The following AK8 variants were observed in gnomAD, a reference collection of about 807,000 sequenced individuals.
AK8 encodes adenylate kinase 8.
In AK8, 44 loss-of-function variants were observed where a neutral mutation model predicts 54.6. That is an observed-to-expected ratio of 0.81 (90% CI 0.63 to 1.04). The LOEUF is 1.04. Among genes scored for constraint, AK8 ranks in the 50% least tolerant of loss-of-function variants. AK8 has a pLI of 0.00. For synonymous variants in AK8, 239 were observed against 245.6 expected, an observed-to-expected ratio of 0.97 and a Z score of 0.25; for missense variants, 555 against 613.6, an observed-to-expected ratio of 0.90 and a Z score of 1.01.
chr9:132,814,566 A>G lies in AK8; in HGVS notation c.979+72T>C, dbSNP rs1841229319. The G allele has an allele frequency of 6.2e-6, 9 of 1,449,968 alleles. No homozygotes were observed. The South Asian group carries it at 9.9e-5, about 16-fold the overall frequency. 89.8% of individuals were successfully genotyped at this position (1,449,968 alleles called of 1,614,324 possible). A position where few individuals can be genotyped will look rare whatever the true frequency, so the allele number is the denominator to read the frequency against. ...CCCAATTTTGAGCCCCTGAATGTTC[A>G]GAGAGCCGCACAAAAAGAAAGTTCT... On this transcript the variant is annotated intron_variant, in intron 10 of 12. Coordinates refer to ENST00000298545, the MANE Select transcript of AK8 (RefSeq NM_152572.3).
intron 11 of AK8, chr9:132,769,078 G>C (rs1480191464): frequency 6.6e-6 from 1 of 151,740 alleles, no homozygotes; most frequent in Non-Finnish European, 1.5e-5. Context: ...GAGGGGAAAT[G>C]GGAGGGGGCT....
chr9:132,837,860 C>G lies in AK8; in HGVS notation c.403-9134G>C, dbSNP rs968319014. ...CACCAAGCCCTCAGAAGCCCTGCCT[C>G]GCCGTGATGCGGGCCATACGTTTCC... On this transcript the variant is annotated intron_variant, in intron 5 of 12. Transcript: ENST00000298545. This position sits in a 1 kb window ranked among gnomAD's most constrained non-coding sequence, Gnocchi z 4.3. Among the ~76,000 whole-genome samples the G allele has an allele frequency of 6.6e-6, 1 of 152,238 alleles. No individual in the cohort carries two copies. The highest frequency in any genetic ancestry group is 1.5e-5 in the Non-Finnish European group (1 of 68,044).
At chr9:132,834,246 G>T (rs889126872) in intron 5 of AK8, among the ~76,000 whole-genome samples, 2 of 152,218 alleles carry the variant, frequency 1.3e-5, no homozygotes, top group African/African-American at 2.4e-5. Flanking sequence ...CATCTTAAAA[G>T]ATCCAGTTTG....
intron 11 of AK8, among the ~76,000 whole-genome samples, chr9:132,762,334 G>A (rs78135256): frequency 0.013 from 1,922 of 152,118 alleles, 47 homozygotes; most frequent in African/African-American, 0.044. Flanking sequence ...CTAGGTCAGC[G>A]GCTTAGATCA....
chr9:132,735,447 T>C (rs1400337829), intron 11 of AK8, among the ~76,000 whole-genome samples: 2 of 152,182 alleles, frequency 1.3e-5, no homozygotes, highest in African/African-American at 4.8e-5. Flanking sequence ...GTTGGCTTCT[T>C]GATCTTAACC....
intron 2 of AK8, among the ~76,000 whole-genome samples, chr9:132,869,181 A>C (rs1843709713): frequency 1.3e-5 from 2 of 152,188 alleles, no homozygotes; most frequent in Non-Finnish European, 1.5e-5. Context: ...CTTCGTCTCA[A>C]AATATCTATA....
chr9:132,783,771 T>C (rs1174784674), intron 11 of AK8, among the ~76,000 whole-genome samples: 1 of 150,558 alleles, frequency 6.6e-6, no homozygotes, highest in African/African-American at 2.4e-5. Context: ...GCTCACAAAA[T>C]GAAGGAAAAA....
At chr9:132,800,036 C>T (rs928913433) in intron 10 of AK8, among the ~76,000 whole-genome samples, 1 of 152,236 alleles carries the variant, frequency 6.6e-6, no homozygotes, top group African/African-American at 2.4e-5. Flanking sequence ...TTCCATTTCA[C>T]ACAACCTGGT....
chr9:132,778,452 T>C (rs1007034540), intron 11 of AK8, among the ~76,000 whole-genome samples: 1 of 152,098 alleles, frequency 6.6e-6, no homozygotes, highest in Admixed American at 6.6e-5. Flanking sequence ...GCTGCAGAAA[T>C]AGTGCTTCCT....
At chr9:132,766,023 T>G (rs1370569426) in intron 11 of AK8, among the ~76,000 whole-genome samples, 2 of 152,158 alleles carry the variant, frequency 1.3e-5, no homozygotes, top group Non-Finnish European at 2.9e-5. Context: ...TACAAAAAAT[T>G]AGTAGCATTT....
chr9:132,826,251 G>A lies in AK8; in HGVS notation c.757+603C>T, dbSNP rs1841864759. ...GAAGTGCCAGAGGCTGCACAGCTGGGCTGCGTCGGGGCTGAGATTTGAACA... is the reference window on the plus strand; with the variant it reads ...GAAGTGCCAGAGGCTGCACAGCTGGACTGCGTCGGGGCTGAGATTTGAACA... On this transcript the variant is annotated intron_variant, in intron 8 of 12. Coordinates refer to ENST00000298545, the MANE Select transcript of AK8 (RefSeq NM_152572.3). This position sits in a 1 kb window ranked among gnomAD's most constrained non-coding sequence, Gnocchi z 4.5. Among the ~76,000 whole-genome samples the A allele has an allele frequency of 6.6e-6, 1 of 152,166 alleles. No individual in the cohort carries two copies. Among genetic ancestry groups the A allele is most frequent in the South Asian group, 2.1e-4 (1 of 4,834 alleles).
Position 132,770,003 on chromosome 9 carries a change from G to C in AK8, c.1121+22631C>G, listed in dbSNP as rs1047926095. ...TTACAAGGCTAATTATTGTTGAGCG[G>C]AGAGGGGGACTGCTCCCAGGGCTCC... On this transcript the variant is annotated intron_variant, in intron 11 of 12. Coordinates refer to ENST00000298545, the MANE Select transcript of AK8 (RefSeq NM_152572.3). This position sits in a 1 kb window ranked among gnomAD's most constrained non-coding sequence, Gnocchi z 4.3. The C allele has an allele frequency of 2.6e-5, 4 of 152,202 alleles. No homozygotes were observed. Among genetic ancestry groups the C allele is most frequent in the Admixed American group, 1.3e-4 (2 of 15,276 alleles). 9.4% of individuals were successfully genotyped at this position (152,202 alleles called of 1,614,324 possible). A position where few individuals can be genotyped will look rare whatever the true frequency, so the allele number is the denominator to read the frequency against.
At chr9:132,794,575 C>T (rs1840075143) in intron 10 of AK8, among the ~76,000 whole-genome samples, 1 of 152,200 alleles carries the variant, frequency 6.6e-6, no homozygotes, top group Admixed American at 6.5e-5. Context: ...CTGGGTGATT[C>T]TTTCTTTAAT....
chr9:132,748,226 G>C (rs905490150), intron 11 of AK8, among the ~76,000 whole-genome samples: 1 of 151,428 alleles, frequency 6.6e-6, no homozygotes, highest in Non-Finnish European at 1.5e-5. Flanking sequence ...CGTAAGACTG[G>C]ACCGGAAGTT....
intron 11 of AK8, among the ~76,000 whole-genome samples, chr9:132,787,307 T>C (rs1164313326): frequency 6.6e-6 from 1 of 152,078 alleles, no homozygotes; most frequent in Non-Finnish European, 1.5e-5. Flanking sequence ...ATCTGACCTA[T>C]ACCAAGGATA....
At chr9:132,823,148 G>GGCAGGAGGC in intron 9 of AK8, 57 bp downstream of exon 9, 1 of 1,499,230 alleles carries the variant, frequency 6.7e-7, no homozygotes, top group Non-Finnish European at 8.9e-7. Flanking sequence ...GGGGAGGAGG[G>GGCAGGAGGC]GCAGGAGGCA....
chr9:132,782,223 T>C (rs538142394), intron 11 of AK8, among the ~76,000 whole-genome samples: 1 of 152,220 alleles, frequency 6.6e-6, no homozygotes, highest in East Asian at 1.9e-4. Flanking sequence ...CCTGTAGTAC[T>C]GGTGCTTGGG....
At chr9:132,771,110 T>C (rs1453298304) in intron 11 of AK8, among the ~76,000 whole-genome samples, 2 of 152,142 alleles carry the variant, frequency 1.3e-5, no homozygotes, top group African/African-American at 4.8e-5. Context: ...TCCGAGTCCG[T>C]CTCCACTGCC....
intron 5 of AK8, among the ~76,000 whole-genome samples, chr9:132,851,089 AC>A (rs1197505514): frequency 6.6e-6 from 1 of 152,186 alleles, no homozygotes; most frequent in African/African-American, 2.4e-5. Flanking sequence ...ATACCACCAA[AC>A]CAGTATCTCC....
Sources: allele counts gnomAD v4.1 joint callset (sites outside exome capture counted in the v4.1 genomes callset), GRCh38; gene constraint gnomAD v4.1.1; non-coding constraint Gnocchi (gnomAD v3.1); transcripts MANE v1.5; gene names NCBI Gene and HGNC (gene_info 2026-07-23, HGNC 2026-07-21).